Variants in CUX1 observed in about 807,000 individuals in gnomAD.
CUX1 encodes protein CASP.
CUX1 carries 31 observed loss-of-function variants against 158.8 expected under a neutral mutation model. The observed-to-expected ratio is 0.20, with a 90% CI of 0.15 to 0.26. The LOEUF (loss-of-function observed/expected upper bound fraction) is 0.26. Among genes scored for constraint, CUX1 ranks in the 10% least tolerant of loss-of-function variants. The pLI, the probability that CUX1 is intolerant of heterozygous loss-of-function variation, is 1.00. For synonymous variants in CUX1, 879 were observed against 862.1 expected, an observed-to-expected ratio of 1.02 and a Z score of -0.34; for missense variants, 1,589 against 2,014.6, an observed-to-expected ratio of 0.79 and a Z score of 4.04.
chr7:102,125,163 G>A (rs1460624054), intron 8 of CUX1, among the ~76,000 whole-genome samples: 7 of 152,088 alleles, frequency 4.6e-5, no homozygotes, highest in African/African-American at 1.7e-4. Context: ...TTAGCACGTC[G>A]TGGCTCTCCA....
chr7:101,966,697 T>C (rs1811260252), intron 2 of CUX1, among the ~76,000 whole-genome samples: 1 of 151,934 alleles, frequency 6.6e-6, no homozygotes, highest in African/African-American at 2.4e-5. Flanking sequence ...CCCCGACAGG[T>C]GAGGGCCACC....
In CUX1 at chr7:102,252,762, C is replaced by T. The variant is rs1586453982; in HGVS notation, c.*3720C>T. On this transcript the variant is annotated 3_prime_UTR_variant, in exon 24 of 24. Transcript: ENST00000292535. ...CCCCCGAGCTCCCTGGTAACCTCCT[C>T]TTGAACTTCTGTATCAGTGAAGACA... is the stretch of plus-strand genomic sequence containing the variant. 1 of 985,590 alleles carries T rather than the reference C, an allele frequency of 1.0e-6. No individual in the cohort carries two copies. Among genetic ancestry groups the T allele is most frequent in the Non-Finnish European group, 1.2e-6 (1 of 830,040 alleles). 61.1% of individuals were successfully genotyped at this position (985,590 alleles called of 1,614,324 possible).
chr7:102,074,895 A>G (rs412524), intron 4 of CUX1, among the ~76,000 whole-genome samples: 132,969 of 152,238 alleles, frequency 0.87, 58,444 homozygotes, highest in East Asian at 0.99. Context: ...GTCTTGCTCT[A>G]TCACCTGGGC....
intron 2 of CUX1, among the ~76,000 whole-genome samples, chr7:101,940,454 G>A (rs1308415181): frequency 6.6e-6 from 1 of 151,996 alleles, no homozygotes; most frequent in Non-Finnish European, 1.5e-5. Flanking sequence ...GAAGGAATAA[G>A]GGGTTATTCC....
At chr7:102,258,277 C>A, downstream of CUX1, 2 of 765,544 alleles carry the variant, frequency 2.6e-6, no homozygotes, top group South Asian at 5.9e-5. Context: ...GGCCTGAGGA[C>A]GAGCAGCAAA....
rs1367270515 is a variant in CUX1, at chr7:102,129,475, G to A, written c.674+14202G>A. The stretch of plus-strand genomic sequence containing the variant: ...AAGATGGGCAGATCACTTGAGGTCA[G>A]GAGTTCGAGACCAGCCTGGCCAACA... On this transcript the variant is annotated intron_variant, in intron 8 of 23. Coordinates refer to ENST00000292535, the MANE Select transcript of CUX1 (RefSeq NM_181552.4). 5.3e-5 allele frequency among the ~76,000 whole-genome samples: 8 copies of A among 152,234 alleles called. No individual in the cohort carries two copies. The East Asian group carries it at 1.4e-3, about 26-fold the overall frequency.
At chr7:102,158,787 A>G (rs1183637454) in intron 9 of CUX1, among the ~76,000 whole-genome samples, 179 bp downstream of exon 9, 2 of 152,248 alleles carry the variant, frequency 1.3e-5, no homozygotes, top group Non-Finnish European at 2.9e-5. Context: ...AAAAAGTCCT[A>G]GGAACCATTT....
intron 9 of CUX1, among the ~76,000 whole-genome samples, chr7:102,164,759 G>T (rs1053257742): frequency 3.3e-4 from 50 of 152,306 alleles, no homozygotes; most frequent in African/African-American, 1.2e-3. Flanking sequence ...GCATGCTGCG[G>T]GTAGGGCAGC....
intron 2 of CUX1, among the ~76,000 whole-genome samples, chr7:101,991,557 C>G (rs2129243336): frequency 6.6e-6 from 1 of 152,042 alleles, no homozygotes; most frequent in East Asian, 1.9e-4. Context: ...TCAGGAGTTC[C>G]AGACCCACCT....
At chr7:102,130,280 A>G (rs1554496721) in intron 8 of CUX1, among the ~76,000 whole-genome samples, 1 of 152,230 alleles carries the variant, frequency 6.6e-6, no homozygotes, top group Admixed American at 6.5e-5. Flanking sequence ...TAATGCTCCA[A>G]TGAACAGAGC....
intron 21 of CUX1, 34 bp from the exon 22 acceptor site, chr7:102,234,018 G>A (rs2132431464): frequency 1.4e-6 from 2 of 1,423,784 alleles, no homozygotes; most frequent in South Asian, 3.2e-5. Context: ...GGCTCTCGGT[G>A]ACAATACCTG....
intron 2 of CUX1, among the ~76,000 whole-genome samples, chr7:102,014,127 T>A (rs532439995): frequency 6.6e-6 from 1 of 152,312 alleles, no homozygotes; most frequent in Non-Finnish European, 1.5e-5. Context: ...CTAAACTGTG[T>A]CTATCTCTGT....
At chr7:102,148,868 A>G (rs1305331127) in intron 8 of CUX1, among the ~76,000 whole-genome samples, 3 of 148,156 alleles carry the variant, frequency 2.0e-5, no homozygotes, top group Admixed American at 6.7e-5. Context: ...GCAAGTCCCC[A>G]GAGTCCTTTG....
At chr7:102,259,961 G>C (rs1020468855), downstream of CUX1, among the ~76,000 whole-genome samples, 1 of 151,856 alleles carries the variant, frequency 6.6e-6, no homozygotes, top group Admixed American at 6.6e-5. Context: ...TGGGCATGGT[G>C]GCATGTGCCT....
chr7:102,268,940 C>CTTT (rs34870289), intron 14 of CUX1, among the ~76,000 whole-genome samples: 14,767 of 143,228 alleles, frequency 0.1, 1,024 homozygotes, highest in Middle Eastern at 0.18. Context: ...GGATTAATTA[C>CTTT]TTTTTTTTTT....
chr7:101,899,720 G>A (rs966019939), intron 1 of CUX1, among the ~76,000 whole-genome samples: 18 of 152,112 alleles, frequency 1.2e-4, no homozygotes, highest in African/African-American at 3.4e-4. Flanking sequence ...GAGAAAAACC[G>A]GTGATGAGAA....
At chr7:101,896,980 T>C (rs1801585395) in intron 1 of CUX1, among the ~76,000 whole-genome samples, 1 of 152,216 alleles carries the variant, frequency 6.6e-6, no homozygotes, top group Admixed American at 6.5e-5. Flanking sequence ...GGCTCAGCAG[T>C]GGCCCCCCTG....
At chr7:102,099,364 C>A (rs1053286111) in intron 5 of CUX1, among the ~76,000 whole-genome samples, 1 of 152,118 alleles carries the variant, frequency 6.6e-6, no homozygotes, top group Admixed American at 6.5e-5. Flanking sequence ...ATTACCTTCC[C>A]TTGTAGGAAG....
intron 9 of CUX1, among the ~76,000 whole-genome samples, chr7:102,164,214 A>G (rs1430255941): frequency 6.6e-6 from 1 of 152,204 alleles, no homozygotes; most frequent in Non-Finnish European, 1.5e-5. Flanking sequence ...CTTTCTGAGC[A>G]GTGGTGATCC....
Sources: gnomAD v4.1 joint callset for allele counts (sites outside exome capture counted in the v4.1 genomes callset) on GRCh38, gnomAD v4.1.1 for gene constraint, MANE v1.5 for transcripts, NCBI Gene and HGNC (gene_info 2026-07-23, HGNC 2026-07-21) for gene names.